L3MBTL4: variants seen among roughly 807,000 people sequenced by gnomAD.
L3MBTL4 encodes the protein L3MBTL histone methyl-lysine binding protein 4.
A neutral mutation model predicts 84.5 loss-of-function variants in L3MBTL4; 70 were observed. The ratio of observed to expected loss-of-function variants is 0.83; its 90% CI spans 0.68 to 1.01. L3MBTL4 has a LOEUF of 1.01. Ranked by LOEUF, L3MBTL4 falls within the 50% of genes least tolerant of loss-of-function variation. The pLI is 0.00. For missense variants in L3MBTL4, 715 were observed against 754.8 expected, an observed-to-expected ratio of 0.95 and a Z score of 0.62; for synonymous variants, 274 against 259.8, an observed-to-expected ratio of 1.05 and a Z score of -0.52.
chr18:6,123,479 T>C (rs1219344079), intron 14 of L3MBTL4, among the ~76,000 whole-genome samples: 1 of 152,164 alleles, frequency 6.6e-6, no homozygotes, highest in East Asian at 1.9e-4. Flanking sequence ...GATGGTTTTA[T>C]ACAGGGCTGT....
chr18:6,076,325 T>C (rs2057854307), intron 16 of L3MBTL4, among the ~76,000 whole-genome samples: 1 of 152,184 alleles, frequency 6.6e-6, no homozygotes, highest in South Asian at 2.1e-4. Context: ...TTATAAACAA[T>C]GTTAGCAAAA....
rs142767968 is a variant in L3MBTL4, at chr18:6,156,015, A to T, written c.1096+15813T>A. On this transcript the variant is annotated intron_variant, in intron 13 of 18. Coordinates refer to ENST00000317931, the MANE Select transcript of L3MBTL4 (RefSeq NM_001330559.2). ...AAATGAAAGATTTTCCAAGATGCTA[A>T]TACCATTAAGCTTGTCCTTAAAGCA... is the stretch of plus-strand genomic sequence containing the variant. 3.8e-3 allele frequency among the ~76,000 whole-genome samples: 572 copies of T among 152,312 alleles called. 2 individuals are homozygous for T. The highest frequency in any genetic ancestry group is 0.013 in the African/African-American group (537 of 41,566).
At chr18:6,372,812 A>G (rs2054209870) in intron 1 of L3MBTL4, among the ~76,000 whole-genome samples, 1 of 152,226 alleles carries the variant, frequency 6.6e-6, no homozygotes, top group Non-Finnish European at 1.5e-5. Context: ...AAACAAAAAA[A>G]GGAACAACAG....
chr18:6,057,648 A>G (rs962831130), intron 16 of L3MBTL4, among the ~76,000 whole-genome samples: 1 of 152,230 alleles, frequency 6.6e-6, no homozygotes, highest in Non-Finnish European at 1.5e-5. Context: ...TGCATCAACT[A>G]AAAAGTATTC....
At chr18:6,256,194 C>T (rs1216699779) in intron 5 of L3MBTL4, among the ~76,000 whole-genome samples, 1 of 152,162 alleles carries the variant, frequency 6.6e-6, no homozygotes, top group Non-Finnish European at 1.5e-5. Context: ...ACAAAATGCA[C>T]CTATCAAAAA....
intron 1 of L3MBTL4, among the ~76,000 whole-genome samples, chr18:6,392,921 A>G (rs2055117573): frequency 6.6e-6 from 1 of 152,164 alleles, no homozygotes; most frequent in African/African-American, 2.4e-5. Context: ...GAGACTCAGA[A>G]GTGGGGAGAG....
chr18:6,219,345 A>G (rs944895311), intron 10 of L3MBTL4, among the ~76,000 whole-genome samples: 6 of 151,808 alleles, frequency 4.0e-5, no homozygotes, highest in African/African-American at 1.2e-4. Context: ...CGACAGCGAG[A>G]GGGCGGGACT....
intron 14 of L3MBTL4, among the ~76,000 whole-genome samples, chr18:6,113,099 T>C (rs2144131621): frequency 6.6e-6 from 1 of 152,262 alleles, no homozygotes; most frequent in South Asian, 2.1e-4. Flanking sequence ...AATTTGTTTG[T>C]ATACTGCATC....
intron 11 of L3MBTL4, 102 bp from the exon 12 acceptor site, chr18:6,213,361 G>T: frequency 1.6e-6 from 1 of 609,356 alleles, no homozygotes; most frequent in Non-Finnish European, 2.9e-6. Context: ...TTAATATGCA[G>T]ATCTTCAATA....
chr18:6,104,775 T>C (rs552404403), intron 14 of L3MBTL4, among the ~76,000 whole-genome samples: 4 of 152,368 alleles, frequency 2.6e-5, no homozygotes, highest in African/African-American at 9.6e-5. Context: ...TATCATTCCA[T>C]AGTCTTCAGA....
intron 14 of L3MBTL4, among the ~76,000 whole-genome samples, chr18:6,109,654 C>T (rs2059127965): frequency 6.6e-6 from 1 of 152,086 alleles, no homozygotes. Flanking sequence ...CAAACCTACA[C>T]AAAACCAGCA....
chr18:6,207,443 G>C (rs370762923), intron 12 of L3MBTL4, among the ~76,000 whole-genome samples: 3 of 152,136 alleles, frequency 2.0e-5, no homozygotes, highest in African/African-American at 4.8e-5. Flanking sequence ...AAGAATAAGA[G>C]TAAGAAAATG....
chr18:6,167,420 A>C (rs1364789883), intron 13 of L3MBTL4, among the ~76,000 whole-genome samples: 1 of 152,242 alleles, frequency 6.6e-6, no homozygotes, highest in Non-Finnish European at 1.5e-5. Flanking sequence ...TTCATGCAAA[A>C]ATCCTCAATA....
At chr18:6,074,340 C>G (rs1027134911) in intron 16 of L3MBTL4, among the ~76,000 whole-genome samples, 1 of 152,142 alleles carries the variant, frequency 6.6e-6, no homozygotes, top group African/African-American at 2.4e-5. Flanking sequence ...TTGGCCAATG[C>G]CCTCTCTGGA....
intron 14 of L3MBTL4, among the ~76,000 whole-genome samples, chr18:6,114,224 A>T (rs2059287888): frequency 6.6e-6 from 1 of 152,338 alleles, no homozygotes; most frequent in South Asian, 2.1e-4. Context: ...AGGAGATAAG[A>T]GCAGGGCTGG....
rs537948682 is a variant in L3MBTL4 at position 6,041,710 on chromosome 18, C to T, written c.1444+39171G>A. Among the ~76,000 whole-genome samples, 192 of 152,128 alleles carry T rather than the reference C, an allele frequency of 1.3e-3. 1 individual carries two copies. The highest frequency in any genetic ancestry group is 1.8e-3 in the Admixed American group (27 of 15,276). ...TGGTTTACCTGCTTTTCTATGCGCC[C>T]AGTGGACTGTTTCATTCTTCTTTTA... On this transcript the variant is annotated intron_variant, in intron 16 of 18. Transcript: ENST00000317931.
At chr18:6,232,768 A>T (rs2047049688) in intron 10 of L3MBTL4, among the ~76,000 whole-genome samples, 1 of 152,134 alleles carries the variant, frequency 6.6e-6, no homozygotes, top group Non-Finnish European at 1.5e-5. Flanking sequence ...AAAAAAGTTT[A>T]TGGAGGATAC....
intron 10 of L3MBTL4, among the ~76,000 whole-genome samples, chr18:6,223,956 T>C (rs899483317): frequency 6.6e-6 from 1 of 152,132 alleles, no homozygotes; most frequent in Admixed American, 6.6e-5. Context: ...TTCGATATAC[T>C]AGTTAGCTCA....
intron 13 of L3MBTL4, among the ~76,000 whole-genome samples, chr18:6,159,800 G>T (rs1235262732): frequency 6.6e-6 from 1 of 152,152 alleles, no homozygotes; most frequent in East Asian, 1.9e-4. Flanking sequence ...TTACTAAGTG[G>T]TGCAGCCAAA....
Sources: allele counts gnomAD v4.1 joint callset (sites outside exome capture counted in the v4.1 genomes callset), GRCh38; gene constraint gnomAD v4.1.1; transcripts MANE v1.5; gene names NCBI Gene and HGNC (gene_info 2026-07-23, HGNC 2026-07-21).